Variants in DLGAP2 observed in about 807,000 individuals in gnomAD.
DLGAP2 encodes the protein disks large-associated protein 2.
DLGAP2 carries 26 observed loss-of-function variants against 100.3 expected under a neutral mutation model. The observed-to-expected ratio is 0.26, with a 90% CI of 0.19 to 0.36. The LOEUF (loss-of-function observed/expected upper bound fraction) is 0.36. Ranked by LOEUF, DLGAP2 falls within the 10% of genes least tolerant of loss-of-function variation. DLGAP2 has a pLI of 1.00. For missense variants in DLGAP2, 1,858 were observed against 1,453.2 expected (o/e 1.28, Z -4.53); for synonymous variants, 886 against 630.1 (o/e 1.41, Z -6.08).
At chr8:1,190,898 G>A (rs918446532) in intron 2 of DLGAP2, among the ~76,000 whole-genome samples, 2 of 152,110 alleles carry the variant, frequency 1.3e-5, no homozygotes, top group African/African-American at 2.4e-5. Context: ...TGCACGGGGC[G>A]TGTTTATGCA....
At chr8:1,657,556 T>C (rs193272455) in intron 8 of DLGAP2, among the ~76,000 whole-genome samples, 96 of 152,354 alleles carry the variant, frequency 6.3e-4, no homozygotes, top group African/African-American at 1.8e-3. Context: ...TTCTTTACTA[T>C]TGTTTCCCAG....
chr8:1,120,992 A>C (rs7016647), intron 2 of DLGAP2, among the ~76,000 whole-genome samples: 144,212 of 149,906 alleles, frequency 0.96, 69,414 homozygotes, highest in African/African-American at 0.99. Flanking sequence ...TCAGAACCCA[A>C]GACCTCCCAT....
chr8:887,161 G>A (rs570725327), intron 1 of DLGAP2, among the ~76,000 whole-genome samples: 65 of 151,216 alleles, frequency 4.3e-4, no homozygotes, highest in Non-Finnish European at 7.1e-4. Context: ...TTGGCTTAAA[G>A]TCTGTTTTGT....
chr8:806,577 C>T (rs1379352609), intron 1 of DLGAP2, among the ~76,000 whole-genome samples: 1 of 152,144 alleles, frequency 6.6e-6, no homozygotes, highest in Non-Finnish European at 1.5e-5. Flanking sequence ...AGCAGGTGCC[C>T]CCCGAACAGG....
chr8:1,591,098 T>G (rs1318689944), intron 6 of DLGAP2, among the ~76,000 whole-genome samples: 2 of 152,216 alleles, frequency 1.3e-5, no homozygotes, highest in Non-Finnish European at 2.9e-5. Flanking sequence ...CAGAACTGGG[T>G]GCACTCAATC....
chr8:979,198 A>G (rs1253300952), intron 2 of DLGAP2, among the ~76,000 whole-genome samples: 2 of 152,210 alleles, frequency 1.3e-5, no homozygotes, highest in African/African-American at 4.8e-5. Context: ...AAGGAACATA[A>G]TGGCACCTAA....
intron 3 of DLGAP2, among the ~76,000 whole-genome samples, chr8:1,498,754 C>A (rs2130311588): frequency 6.6e-6 from 1 of 152,314 alleles, no homozygotes; most frequent in South Asian, 2.1e-4. Context: ...TTATTTCATA[C>A]CTCAGTGACT....
chr8:1,628,482 C>T (rs1463841270), intron 7 of DLGAP2, among the ~76,000 whole-genome samples: 1 of 135,852 alleles, frequency 7.4e-6, no homozygotes, highest in Non-Finnish European at 1.6e-5. Flanking sequence ...GCTGACCTCA[C>T]ATTCTCTCTG....
intron 2 of DLGAP2, among the ~76,000 whole-genome samples, chr8:1,065,894 C>G (rs1054653932): frequency 6.6e-6 from 1 of 152,160 alleles, no homozygotes; most frequent in East Asian, 1.9e-4. Flanking sequence ...GTCATTCTCC[C>G]GCGTGGTCTG....
At chr8:940,391 G>A (rs1278379686) in intron 2 of DLGAP2, among the ~76,000 whole-genome samples, 1 of 151,658 alleles carries the variant, frequency 6.6e-6, no homozygotes, top group Non-Finnish European at 1.5e-5. Flanking sequence ...AGAGAGAGAG[G>A]GAAAAGGGTG....
At chr8:836,552 C>T (rs1250794870) in intron 1 of DLGAP2, among the ~76,000 whole-genome samples, 5 of 152,174 alleles carry the variant, frequency 3.3e-5, no homozygotes, top group African/African-American at 9.7e-5. Flanking sequence ...GAGGTTCTGC[C>T]GGGGTGACCC....
At chr8:1,196,835 G>C (rs542703393) in intron 2 of DLGAP2, among the ~76,000 whole-genome samples, 4 of 152,052 alleles carry the variant, frequency 2.6e-5, no homozygotes, top group Non-Finnish European at 1.5e-5. Context: ...CATACACCAG[G>C]GTTCTCCCGA....
At chr8:983,980 C>A (rs993589517) in intron 2 of DLGAP2, among the ~76,000 whole-genome samples, 2 of 152,086 alleles carry the variant, frequency 1.3e-5, no homozygotes, top group African/African-American at 4.8e-5. Context: ...CCTTGCTATT[C>A]CAGGATTCCT....
chr8:1,297,413 G>T (rs1225531796), intron 3 of DLGAP2, among the ~76,000 whole-genome samples: 1 of 152,080 alleles, frequency 6.6e-6, no homozygotes, highest in Non-Finnish European at 1.5e-5. Flanking sequence ...GGTGAGAAAC[G>T]TGGCATGCGC....
At chr8:1,515,088 G>T (rs1050572878) in intron 4 of DLGAP2, among the ~76,000 whole-genome samples, 3 of 152,046 alleles carry the variant, frequency 2.0e-5, no homozygotes, top group Admixed American at 6.6e-5. Context: ...TGCAGAAAAC[G>T]CATGTTTGGC....
intron 3 of DLGAP2, among the ~76,000 whole-genome samples, chr8:1,488,373 T>C (rs1799284655): frequency 6.6e-6 from 1 of 152,186 alleles, no homozygotes; most frequent in African/African-American, 2.4e-5. Context: ...TTGGCAGGTC[T>C]CTTTTCCAAG....
chr8:1,454,478 G>A (rs1020711704), intron 3 of DLGAP2, among the ~76,000 whole-genome samples: 1 of 152,100 alleles, frequency 6.6e-6, no homozygotes, highest in African/African-American at 2.4e-5. Flanking sequence ...AGCAACTGTA[G>A]TGGTGACTCG....
At chr8:985,995 A>G (rs545250106) in intron 2 of DLGAP2, among the ~76,000 whole-genome samples, 2 of 152,282 alleles carry the variant, frequency 1.3e-5, no homozygotes, top group African/African-American at 4.8e-5. Context: ...ATGACTGGTT[A>G]GGAAGAAGTT....
At chr8:1,017,686 T>C (rs1020270749) in intron 2 of DLGAP2, among the ~76,000 whole-genome samples, 1 of 152,154 alleles carries the variant, frequency 6.6e-6, no homozygotes, top group South Asian at 2.1e-4. Context: ...TGGCTTGTGT[T>C]TCCTGTGGGG....
Sources: gnomAD v4.1 joint callset for allele counts (sites outside exome capture counted in the v4.1 genomes callset) on GRCh38, gnomAD v4.1.1 for gene constraint, MANE v1.5 for transcripts, NCBI Gene and HGNC (gene_info 2026-07-23, HGNC 2026-07-21) for gene names.